PTPRN2: variants seen among roughly 807,000 people sequenced by gnomAD.
PTPRN2 encodes receptor-type tyrosine-protein phosphatase N2.
PTPRN2 carries 74 observed loss-of-function variants against 118.8 expected under a neutral mutation model. The observed-to-expected ratio is 0.62, with a 90% CI of 0.52 to 0.76. PTPRN2 has a LOEUF of 0.76. Among genes scored for constraint, PTPRN2 ranks in the 30% least tolerant of loss-of-function variants. The probability of loss-of-function intolerance (pLI) is 0.00; values close to 1 mark genes in which losing one functional copy is unlikely to be tolerated. For synonymous variants in PTPRN2, 641 were observed against 608.0 expected (o/e 1.05, Z -0.80); for missense variants, 1,481 against 1,394.4 (o/e 1.06, Z -0.99).
chr7:157,943,490 C>T (rs1479417373), intron 11 of PTPRN2, among the ~76,000 whole-genome samples: 1 of 152,116 alleles, frequency 6.6e-6, no homozygotes, highest in Non-Finnish European at 1.5e-5. Flanking sequence ...CAGCTTCAGC[C>T]CCCACCTCCG....
intron 3 of PTPRN2, among the ~76,000 whole-genome samples, chr7:158,292,596 C>T (rs766341730): frequency 9.2e-5 from 14 of 152,286 alleles, no homozygotes; most frequent in South Asian, 2.1e-4. Flanking sequence ...GGTGCACTTA[C>T]GCACCCCCAG....
chr7:158,171,986 T>C lies in PTPRN2; in HGVS notation c.550-4695A>G, dbSNP rs547600867. Among the ~76,000 whole-genome samples the C allele has an allele frequency of 8.3e-4, 126 of 152,336 alleles. 1 individual carries two copies. The highest frequency in any genetic ancestry group is 2.7e-3 in the African/African-American group (114 of 41,584). ...TGTGTAAGAGAAATCCGGCTGAGCA[T>C]CTCTGGGGTAGCCCAGCTGTGGATA... On this transcript the variant is annotated intron_variant, in intron 5 of 22. Transcript: ENST00000389418.
chr7:157,973,378 G>A (rs988643729), intron 11 of PTPRN2, among the ~76,000 whole-genome samples: 7 of 151,060 alleles, frequency 4.6e-5, no homozygotes, highest in African/African-American at 1.7e-4. Context: ...AAGGGTGGGG[G>A]GAAATAACAG....
chr7:157,792,061 T>C (rs1804540871), intron 12 of PTPRN2, among the ~76,000 whole-genome samples: 1 of 152,186 alleles, frequency 6.6e-6, no homozygotes, highest in Non-Finnish European at 1.5e-5. Context: ...CACTGCCAGT[T>C]TGTCAAAGTT....
At chr7:157,621,603 G>A (rs34179692) in intron 14 of PTPRN2, 94 bp from the exon 15 acceptor site, 154,021 of 1,504,894 alleles carry the variant, frequency 0.1, 9,728 homozygotes, top group African/African-American at 0.29. Context: ...CACTCGCCGC[G>A]TGGGCCATGC....
chr7:157,894,928 G>A (rs925993740), intron 12 of PTPRN2, among the ~76,000 whole-genome samples: 2 of 152,176 alleles, frequency 1.3e-5, no homozygotes, highest in Admixed American at 6.5e-5. Flanking sequence ...CTGGGACACT[G>A]AGGGCAGAAC....
intron 10 of PTPRN2, among the ~76,000 whole-genome samples, 187 bp from the exon 11 acceptor site, chr7:158,081,564 G>A (rs1812848984): frequency 6.6e-6 from 1 of 152,126 alleles, no homozygotes; most frequent in Admixed American, 6.5e-5. Flanking sequence ...CCATTTGCCA[G>A]GAATTCCGTT....
chr7:157,604,151 G>GC, intron 15 of PTPRN2, 76 bp from the exon 16 acceptor site: 1 of 1,374,340 alleles, frequency 7.3e-7, no homozygotes, highest in South Asian at 1.2e-5. Context: ...GGCCTCCAGG[G>GC]CCCCCCACCC....
At chr7:158,292,342 A>C (rs1039092836) in intron 3 of PTPRN2, among the ~76,000 whole-genome samples, 2 of 152,250 alleles carry the variant, frequency 1.3e-5, no homozygotes, top group Non-Finnish European at 2.9e-5. Context: ...CATTAACACT[A>C]AAGAATGCCC....
intron 12 of PTPRN2, among the ~76,000 whole-genome samples, chr7:157,747,696 C>T (rs1330798021): frequency 7.4e-6 from 1 of 134,440 alleles, no homozygotes; most frequent in Non-Finnish European, 1.6e-5. Context: ...ATTCTGAGGC[C>T]TGCGTCTCTC....
intron 1 of PTPRN2, among the ~76,000 whole-genome samples, chr7:158,561,128 A>G (rs1167565633): frequency 6.6e-6 from 1 of 152,240 alleles, no homozygotes; most frequent in Non-Finnish European, 1.5e-5. Context: ...TCAAGTCAAT[A>G]AATATCAAAG....
intron 12 of PTPRN2, among the ~76,000 whole-genome samples, chr7:157,737,725 G>C (rs553658958): frequency 1.3e-5 from 2 of 152,222 alleles, no homozygotes; most frequent in Non-Finnish European, 1.5e-5. Flanking sequence ...CCTGGTCCTC[G>C]GGAGCATTTA....
At position 157,628,537 on chromosome 7, in the gene PTPRN2, T is replaced by C. The variant is rs532141824; in HGVS notation, c.2197-7028A>G. Among the ~76,000 whole-genome samples, 84 of 152,346 alleles carry C rather than the reference T, an allele frequency of 5.5e-4. 1 individual carries two copies. In the South Asian group the frequency reaches 0.011, roughly 20 times the overall value. ...CTTAACAGTCTTACACAGAACGGTG[T>C]GGGTCCCTCCCACAGCTACTTTTTG... On this transcript the variant is annotated intron_variant, in intron 14 of 22. Transcript: ENST00000389418.
rs777411785 is a variant in PTPRN2 at position 157,621,436 on chromosome 7, G to C, written c.2270C>G (p.Ala757Gly). 9 of 1,613,790 alleles carry C rather than the reference G, an allele frequency of 5.6e-6. No individual in the cohort carries two copies. In the African/African-American group the frequency reaches 9.4e-5, roughly 17 times the overall value. Reference sequence around the variant, plus strand: ...GGCCACGAACGAGCTGTTGGGCTCCGCCTGGTAGGCGCACAGCGCTTCCCA... The same window carrying C: ...GGCCACGAACGAGCTGTTGGGCTCCCCCTGGTAGGCGCACAGCGCTTCCCA... Reference protein sequence around the residue: ...KEWEALCAYQAEPNSSFVAQR... With the variant: ...KEWEALCAYQGEPNSSFVAQR... The change falls in exon 15 of 23, where the codon GCG becomes GGG. Residue 757 changes from alanine to glycine, a missense_variant. Around this residue, in one of 3 missense-constraint regions of PTPRN2, gnomAD observed 362 missense variants for 384.1 expected, o/e 0.94. Transcript: ENST00000389418.
At chr7:158,068,338 T>G (rs2087684725) in intron 11 of PTPRN2, among the ~76,000 whole-genome samples, 1 of 152,162 alleles carries the variant, frequency 6.6e-6, no homozygotes, top group South Asian at 2.1e-4. Flanking sequence ...TACGGTGCAG[T>G]GCACAGGAGG....
intron 11 of PTPRN2, among the ~76,000 whole-genome samples, chr7:158,070,712 G>A (rs546037380): frequency 8.7e-5 from 9 of 102,922 alleles, no homozygotes; most frequent in Admixed American, 4.3e-4. Context: ...GGTGGCGGAG[G>A]TGCCTGTGGT....
At chr7:158,441,352 GTGA>G (rs1256796267) in intron 2 of PTPRN2, among the ~76,000 whole-genome samples, 2 of 147,500 alleles carry the variant, frequency 1.4e-5, no homozygotes, top group African/African-American at 2.6e-5. Context: ...AGTGATGGTG[GTGA>G]TGGTGATGGC....
chr7:157,638,858 C>T (rs928928870), intron 14 of PTPRN2, among the ~76,000 whole-genome samples: 4 of 152,164 alleles, frequency 2.6e-5, no homozygotes, highest in East Asian at 1.9e-4. Flanking sequence ...AGGGCCCACT[C>T]GCTGCTCACC....
chr7:158,337,176 C>T (rs1458226168), intron 2 of PTPRN2, among the ~76,000 whole-genome samples: 2 of 152,148 alleles, frequency 1.3e-5, no homozygotes, highest in East Asian at 1.9e-4. Flanking sequence ...CTGCAGACGT[C>T]ACTCACACCG....
Sources: allele counts gnomAD v4.1 joint callset (sites outside exome capture counted in the v4.1 genomes callset), GRCh38; gene constraint gnomAD v4.1.1; regional missense constraint gnomAD v4.1.1; transcripts MANE v1.5; gene names NCBI Gene and HGNC (gene_info 2026-07-23, HGNC 2026-07-21).